DHX29: variants seen among roughly 807,000 people sequenced by gnomAD.
DHX29 encodes the protein ATP-dependent RNA helicase DHX29.
Under a neutral mutation model 167.9 loss-of-function variants are expected in DHX29, and 79 were observed. The observed-to-expected ratio is 0.47, with a 90% CI of 0.39 to 0.57. The LOEUF (loss-of-function observed/expected upper bound fraction) is 0.57. DHX29 is among the 20% of genes least tolerant of loss of function. DHX29 has a pLI of 0.00. For missense variants in DHX29, 1,347 were observed against 1,593.4 expected (o/e 0.85, Z 2.63); for synonymous variants, 530 against 546.0 (o/e 0.97, Z 0.41).
At chr5:55,262,276 C>T (rs1746347555) in intron 24 of DHX29, among the ~76,000 whole-genome samples, 1 of 152,124 alleles carries the variant, frequency 6.6e-6, no homozygotes, top group Admixed American at 6.5e-5. Context: ...TCCAATATTC[C>T]CCTTATTTGG....
chr5:55,261,760 G>A (rs977804499), intron 24 of DHX29, among the ~76,000 whole-genome samples: 1 of 151,926 alleles, frequency 6.6e-6, no homozygotes, highest in Non-Finnish European at 1.5e-5. Context: ...GAACATAAAG[G>A]AAACTAGGTA....
intron 23 of DHX29, among the ~76,000 whole-genome samples, chr5:55,266,248 C>T (rs567826869): frequency 2.0e-5 from 3 of 150,264 alleles, no homozygotes; most frequent in Admixed American, 6.6e-5. Context: ...CCACCCGCCT[C>T]GGCCTCCCAA....
intron 12 of DHX29, 65 bp downstream of exon 12, chr5:55,281,307 G>A (rs912390884): frequency 5.2e-6 from 7 of 1,336,684 alleles, no homozygotes; most frequent in Non-Finnish European, 6.9e-6. Flanking sequence ...TCTAGTATTA[G>A]GAGTAACATC....
Position 55,276,481 on chromosome 5 carries a change from A to ACAC in DHX29, c.2287-78_2287-76dup, listed in dbSNP as rs111616382. The ACAC allele has an allele frequency of 1.2e-5, 14 of 1,160,872 alleles. No individual in the cohort carries two copies. The African/African-American group carries it at 1.5e-4, about 12-fold the overall frequency. 71.9% of individuals were successfully genotyped at this position (1,160,872 alleles called of 1,614,324 possible). A position where few individuals can be genotyped will look rare whatever the true frequency, so the allele number is the denominator to read the frequency against. On this transcript the variant is annotated intron_variant, in intron 13 of 26. Coordinates refer to ENST00000251636, the MANE Select transcript of DHX29 (RefSeq NM_019030.4). ...AATATCATTTTAAAGAGAACAGGGG[A>ACAC]CACCACCTTTTGAATGTCACCAAAT... is the stretch of plus-strand genomic sequence containing the variant.
At chr5:55,263,476 G>T (rs1243114557) in intron 23 of DHX29, among the ~76,000 whole-genome samples, 4 of 151,956 alleles carry the variant, frequency 2.6e-5, no homozygotes, top group Non-Finnish European at 5.9e-5. Context: ...CAGGAAGGGT[G>T]GGCATTTTTC....
At chr5:55,284,471 C>CT (rs1747613165) in intron 10 of DHX29, among the ~76,000 whole-genome samples, 1 of 152,122 alleles carries the variant, frequency 6.6e-6, no homozygotes, top group Admixed American at 6.5e-5. Context: ...TTCATAGTGC[C>CT]TTATTTTGCA....
Position 55,296,343 on chromosome 5 carries a change from A to G in DHX29, c.382T>C (p.Tyr128His). The change falls in exon 4 of 27, where the codon TAC becomes CAC. Residue 128 changes from tyrosine to histidine, a missense_variant. By Grantham distance (83) the Tyr-to-His change is moderately conservative. Coordinates refer to ENST00000251636, the MANE Select transcript of DHX29 (RefSeq NM_019030.4). ...RLTAKKLQDL[Y>H]MALQAFSFKT... ...AATGAAAATGCTTGTAAAGCCATGT[A>G]TAAATCCTATGACAAGCAAATATAA... 1 of 1,611,188 alleles carries G rather than the reference A, an allele frequency of 6.2e-7. No individual in the cohort carries two copies. The highest frequency in any genetic ancestry group is 1.1e-5 in the South Asian group (1 of 90,260).
At position 55,256,420 on chromosome 5, in the gene DHX29, A is replaced by G. The variant is rs1479850324; in HGVS notation, c.*68T>C. 1.1e-5 allele frequency: 16 copies of G among 1,417,952 alleles called. No homozygotes were observed. Among genetic ancestry groups the G allele is most frequent in the Non-Finnish European group, 1.4e-5 (15 of 1,041,786 alleles). The allele number at this position is 1,417,952 out of a possible 1,614,324, so 87.8% of individuals were successfully genotyped here. A position where few individuals can be genotyped will look rare whatever the true frequency, so the allele number is the denominator to read the frequency against. The stretch of plus-strand genomic sequence containing the variant: ...AATGAAATACTTAATGTGATGACCC[A>G]TTTTCAGATAATTTCATGACTGTAT... On this transcript the variant is annotated 3_prime_UTR_variant, in exon 27 of 27. Transcript: ENST00000251636.
Position 55,297,301 on chromosome 5 carries a change from G to T in DHX29, c.359C>A (p.Thr120Asn). Residue 120 changes from threonine (T) to asparagine (N), a missense_variant, in exon 3 of 27, where the codon ACT becomes AAT. Thr to Asn is a moderately conservative substitution (Grantham distance 65). This residue lies in a region of DHX29 where 405 missense variants were observed against 416.8 expected (regional missense o/e 0.97). Coordinates refer to ENST00000251636, the MANE Select transcript of DHX29 (RefSeq NM_019030.4). Reference sequence around the variant, plus strand: ...GCAAAATACCTGCAATTTTTTGGCAGTAAGTCTTCCAGAAATCATTCCTTT... The same window carrying T: ...GCAAAATACCTGCAATTTTTTGGCATTAAGTCTTCCAGAAATCATTCCTTT... ...NDKGMISGRL[T>N]AKKLQDLYMA... 6.4e-7 allele frequency: 1 copy of T among 1,573,928 alleles called. No homozygotes were observed. The highest frequency in any genetic ancestry group is 8.7e-7 in the Non-Finnish European group (1 of 1,146,798).
intron 8 of DHX29, among the ~76,000 whole-genome samples, chr5:55,286,873 C>T (rs1747757511): frequency 6.6e-6 from 1 of 152,144 alleles, no homozygotes; most frequent in Admixed American, 6.5e-5. Context: ...CTTAGATATT[C>T]CAATGTACCC....
intron 4 of DHX29, 93 bp downstream of exon 4, chr5:55,296,127 G>A: frequency 1.5e-6 from 2 of 1,315,420 alleles, no homozygotes; most frequent in Non-Finnish European, 2.0e-6. Context: ...TTATGACAGT[G>A]AAAAAATATG....
chr5:55,277,263 T>G lies in DHX29; in HGVS notation c.2129A>C (p.Gln710Pro). 1 of 1,604,080 alleles carries G rather than the reference T, an allele frequency of 6.2e-7. No homozygotes were observed. The change falls in exon 13 of 27, where the codon CAG becomes CCG. Residue 710 changes from glutamine to proline, a missense_variant. This residue lies in a region of DHX29 where 882 missense variants were observed against 1,082.4 expected (regional missense o/e 0.81). Transcript: ENST00000251636. The part of the protein sequence containing the change: ...IVDEVHERSV[Q>P]SDFLLIILKE... The stretch of plus-strand genomic sequence containing the variant: ...CAAGATAATTAGTAGGAAGTCTGAC[T>G]GGACACTTCTTTCATGAACCTAGTT...
intron 14 of DHX29, 49 bp downstream of exon 14, chr5:55,276,217 A>G (rs762849540): frequency 4.0e-6 from 5 of 1,265,808 alleles, no homozygotes; most frequent in Admixed American, 5.1e-5. Context: ...GTGGCAGGTT[A>G]GGCCCTGGAT....
rs1748020137 is a variant in DHX29 at position 55,291,068 on chromosome 5, T to C, written c.781-724A>G. On this transcript the variant is annotated intron_variant, in intron 6 of 26. Transcript: ENST00000251636. The stretch of plus-strand genomic sequence containing the variant: ...ATTTAAAGGATTATTCATGCAGTAA[T>C]AATAATACTCATCTGAAAGTTAACT... 2.0e-5 allele frequency among the ~76,000 whole-genome samples: 3 copies of C among 152,148 alleles called. No individual in the cohort carries two copies. The South Asian group carries it at 6.2e-4, about 32-fold the overall frequency.
chr5:55,303,377 A>C (rs901420499), intron 1 of DHX29, among the ~76,000 whole-genome samples: 8 of 152,160 alleles, frequency 5.3e-5, no homozygotes, highest in African/African-American at 1.9e-4. Context: ...TATATTCTGG[A>C]ACAGTAATAT....
chr5:55,276,965 T>C, intron 13 of DHX29, 141 bp downstream of exon 13: 2 of 564,928 alleles, frequency 3.5e-6, no homozygotes, highest in Non-Finnish European at 3.1e-6. Context: ...CATCTGATTC[T>C]TAAGGCTGTG....
chr5:55,273,486 GA>G (rs1746951146), intron 16 of DHX29, 109 bp from the exon 17 acceptor site: 7 of 1,275,692 alleles, frequency 5.5e-6, no homozygotes, highest in Non-Finnish European at 7.0e-6. Context: ...TTTTTACTAT[GA>G]AAAAATTTAA....
At chr5:55,275,512 A>C (rs1243913980) in intron 14 of DHX29, among the ~76,000 whole-genome samples, 1 of 152,148 alleles carries the variant, frequency 6.6e-6, no homozygotes, top group Non-Finnish European at 1.5e-5. Flanking sequence ...TTTTGCTTTA[A>C]AAATTTAATT....
At chr5:55,298,479 T>C (rs1262784886) in intron 2 of DHX29, 112 bp downstream of exon 2, 3 of 640,168 alleles carry the variant, frequency 4.7e-6, no homozygotes, top group African/African-American at 3.7e-5. Flanking sequence ...TAGAGTACTA[T>C]TTACAAAAAT....
Sources: gnomAD v4.1 joint callset for allele counts (sites outside exome capture counted in the v4.1 genomes callset) on GRCh38, gnomAD v4.1.1 for gene constraint, gnomAD v4.1.1 regional missense constraint, MANE v1.5 for transcripts, NCBI Gene and HGNC (gene_info 2026-07-23, HGNC 2026-07-21) for gene names.